The following HSD17B4 variants were observed in gnomAD, a reference collection of about 807,000 sequenced individuals.
HSD17B4 encodes hydroxysteroid 17-beta dehydrogenase 4, also known as peroxisomal multifunctional enzyme type 2.
In HSD17B4, 70 loss-of-function variants were observed where a neutral mutation model predicts 101.0. The observed-to-expected ratio is 0.69, with a 90% CI of 0.57 to 0.85. The LOEUF is 0.85. HSD17B4 is among the 40% of genes least tolerant of loss of function. The pLI, the probability that HSD17B4 is intolerant of heterozygous loss-of-function variation, is 0.00. For synonymous variants in HSD17B4, 347 were observed against 297.1 expected, an observed-to-expected ratio of 1.17 and a Z score of -1.73; for missense variants, 984 against 892.4, an observed-to-expected ratio of 1.10 and a Z score of -1.31.
chr5:119,497,983 T>C (rs555236155), intron 12 of HSD17B4, among the ~76,000 whole-genome samples: 1 of 152,318 alleles, frequency 6.6e-6, no homozygotes, highest in South Asian at 2.1e-4. Context: ...GCATCGATAT[T>C]GTATTTTAGA....
intron 14 of HSD17B4, among the ~76,000 whole-genome samples, chr5:119,503,912 T>C (rs976717053): frequency 2.0e-5 from 3 of 152,126 alleles, no homozygotes; most frequent in Non-Finnish European, 2.9e-5. Context: ...TAGTACCCAA[T>C]AGGTAGTTTT....
chr5:119,471,804 T>C, intron 2 of HSD17B4: 1 of 616,776 alleles, frequency 1.6e-6, no homozygotes, highest in Non-Finnish European at 2.7e-6. Context: ...TAAATTATTG[T>C]GTAAATTAAC....
intron 22 of HSD17B4, chr5:119,536,081 A>G (rs1370668256): frequency 3.6e-6 from 1 of 276,760 alleles, no homozygotes; most frequent in African/African-American, 2.3e-5. Flanking sequence ...CCACTAAGAG[A>G]AAATGAATAC....
intron 2 of HSD17B4, among the ~76,000 whole-genome samples, chr5:119,467,046 A>C (rs139640958): frequency 8.1e-4 from 124 of 152,236 alleles, no homozygotes; most frequent in Admixed American, 1.5e-3. Context: ...TTGGTTATTC[A>C]GGAATATGTT....
At chr5:119,538,736 T>G (rs1055491513) in intron 23 of HSD17B4, among the ~76,000 whole-genome samples, 1 of 152,202 alleles carries the variant, frequency 6.6e-6, no homozygotes. Context: ...ACTCCTTCAA[T>G]GTCTATGCAT....
At chr5:119,452,837 C>T (rs777268791) in intron 1 of HSD17B4, 1 of 1,535,650 alleles carries the variant, frequency 6.5e-7, no homozygotes, top group African/African-American at 1.4e-5. Context: ...GCCCGCTTCT[C>T]CCCAGCACCC....
chr5:119,517,141 G>A (rs937017820), intron 17 of HSD17B4, among the ~76,000 whole-genome samples: 3 of 152,130 alleles, frequency 2.0e-5, no homozygotes, highest in African/African-American at 7.2e-5. Context: ...TGCGCGCGGC[G>A]CTCGCAGGCC....
intron 8 of HSD17B4, among the ~76,000 whole-genome samples, chr5:119,481,775 T>G (rs1289514827): frequency 4.6e-5 from 7 of 152,172 alleles, no homozygotes; most frequent in Non-Finnish European, 4.4e-5. Flanking sequence ...AAAAACGCAA[T>G]ATTTGCATAG....
At chr5:119,527,435 CTCTTT>C (rs1200108723) in intron 20 of HSD17B4, among the ~76,000 whole-genome samples, 1 of 151,980 alleles carries the variant, frequency 6.6e-6, no homozygotes, top group Admixed American at 6.6e-5. Flanking sequence ...GTTTTATTTT[CTCTTT>C]TATTTTCAAC....
intron 16 of HSD17B4, among the ~76,000 whole-genome samples, chr5:119,512,489 G>A (rs951068573): frequency 1.3e-5 from 2 of 151,870 alleles, no homozygotes; most frequent in African/African-American, 2.4e-5. Flanking sequence ...AAGATTAAGA[G>A]CTGACCTCTG....
rs903318437 is a variant in HSD17B4 at position 119,524,834 on chromosome 5, C to A, written c.1504-382C>A. The stretch of plus-strand genomic sequence containing the variant: ...GTCTTAGAAGCTTCAATTTAAAACA[C>A]CCCAGTAAGAAAGTTGGCATAAATT... On this transcript the variant is annotated intron_variant, in intron 17 of 23. Coordinates refer to ENST00000510025, the MANE Select transcript of HSD17B4 (RefSeq NM_000414.4). 2.0e-5 allele frequency among the ~76,000 whole-genome samples: 3 copies of A among 152,182 alleles called. No individual in the cohort carries two copies. In the East Asian group the frequency reaches 5.8e-4, roughly 29 times the overall value.
intron 9 of HSD17B4, among the ~76,000 whole-genome samples, chr5:119,491,461 C>CT (rs11308278): frequency 0.018 from 2,315 of 131,436 alleles, 82 homozygotes; most frequent in African/African-American, 0.059. Flanking sequence ...ACTCATCAGA[C>CT]TTTTTTTTTT....
chr5:119,477,542 G>C (rs773218211), intron 7 of HSD17B4, 41 bp downstream of exon 7: 1 of 1,322,112 alleles, frequency 7.6e-7, no homozygotes, highest in South Asian at 1.2e-5. Context: ...TTAAGATGTT[G>C]TGTCTGGGGG....
chr5:119,487,729 A>G (rs557819787), intron 8 of HSD17B4, among the ~76,000 whole-genome samples: 109 of 152,312 alleles, frequency 7.2e-4, no homozygotes, highest in African/African-American at 2.5e-3. Flanking sequence ...GAAGTTAGCC[A>G]ACTCAAATAT....
At chr5:119,467,253 G>A (rs1561434296) in intron 2 of HSD17B4, among the ~76,000 whole-genome samples, 1 of 152,168 alleles carries the variant, frequency 6.6e-6, no homozygotes. Flanking sequence ...CAAATGTTCT[G>A]TTAACTTCTA....
intron 9 of HSD17B4, among the ~76,000 whole-genome samples, chr5:119,489,723 C>T (rs1183475766): frequency 6.6e-6 from 1 of 152,172 alleles, no homozygotes; most frequent in Non-Finnish European, 1.5e-5. Context: ...AGGCCTAATA[C>T]ATAGCACTCA....
intron 2 of HSD17B4, among the ~76,000 whole-genome samples, chr5:119,467,147 C>T (rs550812421): frequency 3.3e-5 from 5 of 152,260 alleles, no homozygotes; most frequent in Non-Finnish European, 5.9e-5. Context: ...AAAATCATAT[C>T]AAATAAAAAA....
At chr5:119,509,902 T>G (rs1362982882) in intron 16 of HSD17B4, among the ~76,000 whole-genome samples, 1 of 152,186 alleles carries the variant, frequency 6.6e-6, no homozygotes, top group East Asian at 1.9e-4. Flanking sequence ...CAATTGATGG[T>G]TTATGTTATT....
At chr5:119,487,519 A>G (rs1358855685) in intron 8 of HSD17B4, 1 of 152,040 alleles carries the variant, frequency 6.6e-6, no homozygotes, top group African/African-American at 2.4e-5. Context: ...ATTGAGTTTA[A>G]TAGATGCTGG....
Sources: gnomAD v4.1 joint callset for allele counts (sites outside exome capture counted in the v4.1 genomes callset) on GRCh38, gnomAD v4.1.1 for gene constraint, MANE v1.5 for transcripts, NCBI Gene and HGNC (gene_info 2026-07-23, HGNC 2026-07-21) for gene names.